Variants in ABCB4 observed in about 807,000 individuals in gnomAD.
ABCB4 encodes the protein phosphatidylcholine translocator ABCB4.
ABCB4 carries 76 observed loss-of-function variants against 145.7 expected under a neutral mutation model. The ratio of observed to expected loss-of-function variants is 0.52; its 90% CI spans 0.43 to 0.63. The LOEUF (loss-of-function observed/expected upper bound fraction) is 0.63. ABCB4 is among the 30% of genes least tolerant of loss of function. The pLI is 0.00. For missense variants in ABCB4, 1,234 were observed against 1,553.1 expected, an observed-to-expected ratio of 0.79 and a Z score of 3.45; for synonymous variants, 517 against 566.8, an observed-to-expected ratio of 0.91 and a Z score of 1.25.
chr7:87,443,303 G>T lies in ABCB4; in HGVS notation c.1356+16C>A, dbSNP rs1331958538. On this transcript the variant is annotated intron_variant, in intron 12 of 27. Transcript: ENST00000649586. ...TCCAGCTTCCCACTCTGGAAAGCTT[G>T]GTTCTTCCCACTTACTGTGCCCTCA... 1 of 1,613,874 alleles carries T rather than the reference G, an allele frequency of 6.2e-7. No individual in the cohort carries two copies. The highest frequency in any genetic ancestry group is 8.5e-7 in the Non-Finnish European group (1 of 1,179,916).
chr7:87,475,314 T>A, intron 2 of ABCB4, 72 bp downstream of exon 2: 1 of 1,585,404 alleles, frequency 6.3e-7, no homozygotes, highest in Non-Finnish European at 8.7e-7. Flanking sequence ...TTTTTACAAC[T>A]TCTTTCCAAG....
intron 14 of ABCB4, among the ~76,000 whole-genome samples, chr7:87,434,815 ATATT>A (rs925218397): frequency 1.2e-4 from 18 of 152,242 alleles, no homozygotes; most frequent in Non-Finnish European, 2.2e-4. Flanking sequence ...AATTTAGTAA[ATATT>A]TATTTAGCCT....
At chr7:87,404,647 C>CA (rs45445898) in intron 26 of ABCB4, among the ~76,000 whole-genome samples, 55 of 151,582 alleles carry the variant, frequency 3.6e-4, no homozygotes, top group Non-Finnish European at 6.3e-4. Flanking sequence ...AACAAACAAA[C>CA]AAAAAAAACT....
intron 21 of ABCB4, among the ~76,000 whole-genome samples, chr7:87,415,667 G>A (rs1808920543): frequency 6.6e-6 from 1 of 152,110 alleles, no homozygotes; most frequent in Non-Finnish European, 1.5e-5. Flanking sequence ...AGGACATGAG[G>A]ACTAGAGAAG....
At chr7:87,378,574 T>A in the ABCB4 span, among the ~76,000 whole-genome samples, 1 of 152,226 alleles carries the variant, frequency 6.6e-6, no homozygotes, top group African/African-American at 2.4e-5. Context: ...GACTGCCCAA[T>A]GTGATTGTTG....
the ABCB4 span, chr7:87,381,763 T>C: frequency 7.2e-6 from 4 of 555,964 alleles, no homozygotes; most frequent in Admixed American, 3.5e-5. Context: ...GGGAATCTTC[T>C]ATCTTATCAT....
chr7:87,426,949 G>T (rs759017748), intron 15 of ABCB4, 29 bp from the exon 16 acceptor site: 14 of 1,379,110 alleles, frequency 1.0e-5, no homozygotes, highest in Non-Finnish European at 1.4e-5. Context: ...ATTAAAGTGT[G>T]TGTGTGTGTG....
chr7:87,464,524 A>G (rs1341829311), intron 3 of ABCB4, among the ~76,000 whole-genome samples: 3 of 152,240 alleles, frequency 2.0e-5, no homozygotes, highest in Admixed American at 2.0e-4. Flanking sequence ...GGTTGTTAAC[A>G]TTAAAAAGCA....
chr7:87,392,429 G>C, the ABCB4 span: 5 of 686,234 alleles, frequency 7.3e-6, no homozygotes, highest in Non-Finnish European at 1.3e-5. Flanking sequence ...AAAGATATAG[G>C]AGTATGTGTT....
At chr7:87,377,404 A>G in the ABCB4 span, 57 of 1,611,704 alleles carry the variant, frequency 3.5e-5, no homozygotes, top group African/African-American at 6.5e-4. Flanking sequence ...GACAAATCCT[A>G]TAACTTGATT....
chr7:87,426,645 A>C, intron 16 of ABCB4, 105 bp downstream of exon 16: 2 of 1,135,100 alleles, frequency 1.8e-6, no homozygotes, highest in African/African-American at 1.5e-5. Context: ...TATGGCTCAT[A>C]GTAGCAGTCA....
intron 4 of ABCB4, among the ~76,000 whole-genome samples, chr7:87,458,414 T>G (rs1161120358): frequency 6.6e-6 from 1 of 152,192 alleles, no homozygotes; most frequent in Admixed American, 6.5e-5. Context: ...TCTTGTAATA[T>G]GAACCTTTTT....
chr7:87,391,496 C>A, the ABCB4 span: 3 of 1,273,042 alleles, frequency 2.4e-6, no homozygotes, highest in Admixed American at 2.7e-5. Flanking sequence ...GGCTTAGTCT[C>A]TGAACAAAGC....
the ABCB4 span, among the ~76,000 whole-genome samples, chr7:87,396,003 A>C: frequency 6.6e-6 from 1 of 152,226 alleles, no homozygotes; most frequent in Non-Finnish European, 1.5e-5. Flanking sequence ...AGCCCAAAAC[A>C]ATAAATTTCT....
At chr7:87,458,333 A>G (rs1812233175) in intron 4 of ABCB4, among the ~76,000 whole-genome samples, 1 of 152,156 alleles carries the variant, frequency 6.6e-6, no homozygotes, top group African/African-American at 2.4e-5. Flanking sequence ...TGAGGGAACA[A>G]CCCTGTCATG....
downstream of ABCB4, among the ~76,000 whole-genome samples, chr7:87,397,676 G>A (rs1433141529): frequency 6.6e-6 from 1 of 152,118 alleles, no homozygotes; most frequent in East Asian, 1.9e-4. Flanking sequence ...AAAGGTTTCT[G>A]TATTACTTTT....
In ABCB4 at chr7:87,437,726, G is replaced by C. The variant is rs45620331; in HGVS notation, c.1731+1941C>G. Among the ~76,000 whole-genome samples the C allele has an allele frequency of 1.8e-3, 278 of 152,146 alleles. 1 individual carries two copies. The highest frequency in any genetic ancestry group is 5.8e-3 in the African/African-American group (240 of 41,506). On this transcript the variant is annotated intron_variant, in intron 14 of 27. Coordinates refer to ENST00000649586, the MANE Select transcript of ABCB4 (RefSeq NM_000443.4). ...CTCAGGCTTAGAGAGGTTAGTTAAC[G>C]TGCCCAAGGACACAGCTAGAAAAGA...
At chr7:87,377,300 C>T in the ABCB4 span, 5 of 1,171,020 alleles carry the variant, frequency 4.3e-6, no homozygotes, top group Admixed American at 2.1e-5. Flanking sequence ...TAAATTCTTA[C>T]AAACCAATAT....
intron 21 of ABCB4, among the ~76,000 whole-genome samples, chr7:87,414,226 C>T (rs747909522): frequency 8.5e-5 from 13 of 152,146 alleles, no homozygotes; most frequent in Non-Finnish European, 1.6e-4. Flanking sequence ...GCTTTAAATC[C>T]GTGATTAAAT....
Sources: gnomAD v4.1 joint callset for allele counts (sites outside exome capture counted in the v4.1 genomes callset) on GRCh38, gnomAD v4.1.1 for gene constraint, MANE v1.5 for transcripts, NCBI Gene and HGNC (gene_info 2026-07-23, HGNC 2026-07-21) for gene names.